The following SMUG1 variants were observed in gnomAD, a reference collection of about 807,000 sequenced individuals.
SMUG1 encodes the protein single-strand-selective monofunctional uracil-DNA glycosylase 1.
In SMUG1, 13 loss-of-function variants were observed where a neutral mutation model predicts 23.9. The observed-to-expected ratio is 0.54, with a 90% CI of 0.35 to 0.86. SMUG1 has a LOEUF of 0.86. SMUG1 is among the 40% of genes least tolerant of loss of function. SMUG1 has a pLI of 0.01. For synonymous variants in SMUG1, 133 were observed against 139.8 expected, an observed-to-expected ratio of 0.95 and a Z score of 0.34; for missense variants, 313 against 339.5, an observed-to-expected ratio of 0.92 and a Z score of 0.61.
rs199547481 is a variant in SMUG1, at chr12:54,183,736, C to T, written c.205G>A (p.Val69Met). The T allele has an allele frequency of 8.1e-6, 13 of 1,614,032 alleles. No homozygotes were observed. Among genetic ancestry groups the T allele is most frequent in the Middle Eastern group, 3.3e-4 (2 of 6,060 alleles). Residue 69 changes from valine to methionine, a missense_variant, in exon 3 of 4, where the codon GTG (valine) becomes ATG (methionine). By Grantham distance (21) the Val-to-Met change is conservative. Transcript: ENST00000682136. The part of the protein sequence containing the change: ...EYAWEPHRNY[V>M]TRYCQGPKEV... ...TTGGGGCCCTGGCAGTAGCGAGTCACGTAGTTGCGATGTGGCTCCCATGCA... is the reference window on the plus strand; with the variant it reads ...TTGGGGCCCTGGCAGTAGCGAGTCATGTAGTTGCGATGTGGCTCCCATGCA...
chr12:54,168,119 G>C (rs1005922165), intron 3 of SMUG1, among the ~76,000 whole-genome samples: 3 of 152,330 alleles, frequency 2.0e-5, no homozygotes, highest in African/African-American at 7.2e-5. Flanking sequence ...GAGAGATGCT[G>C]TTGTGAGAGA....
Position 54,182,411 on chromosome 12 carries a change from A to C in SMUG1, c.498T>G (p.Pro166=). Residue 166 remains proline (P), a synonymous_variant, in exon 4 of 4, where the codon CCT becomes CCG. Transcript: ENST00000682136. ...FHHCFVHNLC[P]LLFLAPSGRN... ...GCCCGCTGGGAGCCAGGAAAAGCAGAGGGCATAGATTGTGGACAAAACAGT... is the reference window on the plus strand; with the variant it reads ...GCCCGCTGGGAGCCAGGAAAAGCAGCGGGCATAGATTGTGGACAAAACAGT... 6.2e-7 allele frequency: 1 copy of C among 1,614,218 alleles called. No homozygotes were observed. Among genetic ancestry groups the C allele is most frequent in the Non-Finnish European group, 8.5e-7 (1 of 1,180,050 alleles).
At chr12:54,178,486 T>C (rs1346068621), downstream of SMUG1, among the ~76,000 whole-genome samples, 1 of 152,150 alleles carries the variant, frequency 6.6e-6, no homozygotes, top group Non-Finnish European at 1.5e-5. Context: ...CCAGACCTGC[T>C]ATGCCCCTAG....
chr12:54,173,852 CACG>C (rs1357840802), intron 2 of SMUG1, among the ~76,000 whole-genome samples: 51 of 151,442 alleles, frequency 3.4e-4, no homozygotes, highest in East Asian at 2.0e-4. Flanking sequence ...CTCAGAAAGA[CACG>C]ACAAGCCCCC....
chr12:54,166,164 C>T (rs766206472), intron 3 of SMUG1, among the ~76,000 whole-genome samples: 1 of 152,154 alleles, frequency 6.6e-6, no homozygotes, highest in African/African-American at 2.4e-5. Flanking sequence ...AGTTCGAGAC[C>T]AGCCTGGCCA....
chr12:54,166,902 CCACCCTCA>C (rs1252157533), intron 3 of SMUG1, among the ~76,000 whole-genome samples: 2 of 152,188 alleles, frequency 1.3e-5, no homozygotes, highest in African/African-American at 4.8e-5. Flanking sequence ...AAAATAGTCT[CCACCCTCA>C]CACGCCTGTG....
chr12:54,188,358 T>C (rs55778158), intron 1 of SMUG1, among the ~76,000 whole-genome samples: 71,950 of 149,090 alleles, frequency 0.48, 18,005 homozygotes, highest in Non-Finnish European at 0.54. Flanking sequence ...CCGGGCGCGG[T>C]GGCTCACACC....
chr12:54,167,620 G>A (rs1343732923), intron 3 of SMUG1, among the ~76,000 whole-genome samples: 2 of 152,108 alleles, frequency 1.3e-5, no homozygotes, highest in African/African-American at 4.8e-5. Context: ...TCACACCAAA[G>A]TACTGATTCC....
In SMUG1 at chr12:54,181,475, G is replaced by A. The variant is rs1383426632; in HGVS notation, c.*621C>T. 2 of 1,288,692 alleles carry A rather than the reference G, an allele frequency of 1.6e-6. No homozygotes were observed. Among genetic ancestry groups the A allele is most frequent in the Non-Finnish European group, 2.2e-6 (2 of 922,828 alleles). 79.8% of individuals were successfully genotyped at this position (1,288,692 alleles called of 1,614,324 possible). A position where few individuals can be genotyped will look rare whatever the true frequency, so the allele number is the denominator to read the frequency against. ...CTGTTTTACAGATGAGGAGCCTGAG[G>A]CATAGAGAGGTTTATTAATTTGTCA... On this transcript the variant is annotated 3_prime_UTR_variant, in exon 4 of 4. Transcript: ENST00000682136.
At chr12:54,169,117 A>G (rs760510265) in intron 3 of SMUG1, among the ~76,000 whole-genome samples, 1 of 152,152 alleles carries the variant, frequency 6.6e-6, no homozygotes, top group Non-Finnish European at 1.5e-5. Context: ...TCTGGGGGGA[A>G]ATGACCAAAA....
At chr12:54,167,145 T>C (rs1592344642) in intron 3 of SMUG1, among the ~76,000 whole-genome samples, 1 of 152,032 alleles carries the variant, frequency 6.6e-6, no homozygotes, top group Non-Finnish European at 1.5e-5. Context: ...GGCAGCTGGG[T>C]CCCAGTGTTC....
chr12:54,160,123 AGGGACCCCCCCACC>A (rs1940198194), downstream of SMUG1, among the ~76,000 whole-genome samples: 2 of 152,182 alleles, frequency 1.3e-5, no homozygotes, highest in African/African-American at 4.8e-5. Context: ...CTGAATGGGC[AGGGACCCCCCCACC>A]CCAACAGCCA....
Position 54,183,910 on chromosome 12 carries a change from G to A in SMUG1, c.31C>T (p.His11Tyr). 6.3e-7 allele frequency: 1 copy of A among 1,595,644 alleles called. No individual in the cohort carries two copies. Among genetic ancestry groups the A allele is most frequent in the African/African-American group, 1.3e-5 (1 of 74,716 alleles). Residue 11 changes from histidine to tyrosine, a missense_variant, in exon 3 of 4, where the codon CAT (histidine) becomes TAT (tyrosine). By Grantham distance (83) the His-to-Tyr change is moderately conservative. Transcript: ENST00000682136. ...TCCATGAGGGCACCTGCAGGCTCAT[G>A]GATGGACCCCAGCAGGAAAGCCTGG... MPQAFLLGSI[H>Y]EPAGALMEPQ...
downstream of SMUG1, among the ~76,000 whole-genome samples, chr12:54,176,517 A>ACTCCCC (rs1247915453): frequency 1.3e-5 from 1 of 74,900 alleles, no homozygotes; most frequent in Non-Finnish European, 2.8e-5. Flanking sequence ...TCCCCCCCCA[A>ACTCCCC]AAAAAAAGGC....
intron 3 of SMUG1, among the ~76,000 whole-genome samples, chr12:54,169,818 T>G (rs1222308325): frequency 2.0e-5 from 3 of 152,180 alleles, no homozygotes; most frequent in Non-Finnish European, 4.4e-5. Context: ...TGTTGAGAGC[T>G]GATTCAAAAG....
intron 3 of SMUG1, among the ~76,000 whole-genome samples, chr12:54,169,068 C>A (rs536040384): frequency 1.3e-5 from 2 of 152,298 alleles, no homozygotes; most frequent in African/African-American, 2.4e-5. Flanking sequence ...GGGAAGCACC[C>A]TCCACCCCAG....
intron 3 of SMUG1, among the ~76,000 whole-genome samples, chr12:54,171,474 G>A (rs1565802573): frequency 6.6e-6 from 1 of 151,128 alleles, no homozygotes; most frequent in African/African-American, 2.4e-5. Flanking sequence ...GGCAGATCAC[G>A]AGGTCAGGAA....
At chr12:54,168,123 T>C (rs1033743192) in intron 3 of SMUG1, among the ~76,000 whole-genome samples, 1 of 152,216 alleles carries the variant, frequency 6.6e-6, no homozygotes, top group Non-Finnish European at 1.5e-5. Flanking sequence ...GATGCTGTTG[T>C]GAGAGATGCT....
At chr12:54,185,837 G>A (rs1009018423) in intron 2 of SMUG1, among the ~76,000 whole-genome samples, 2 of 151,928 alleles carry the variant, frequency 1.3e-5, no homozygotes, top group African/African-American at 4.8e-5. Flanking sequence ...CAGACGTAAG[G>A]ATGGAATGAG....
Sources: gnomAD v4.1 joint callset for allele counts (sites outside exome capture counted in the v4.1 genomes callset) on GRCh38, gnomAD v4.1.1 for gene constraint, MANE v1.5 for transcripts, NCBI Gene and HGNC (gene_info 2026-07-23, HGNC 2026-07-21) for gene names.